Variants in SDK1 observed in about 807,000 individuals in gnomAD.
SDK1 encodes sidekick cell adhesion molecule 1, also known as protein sidekick-1.
A neutral mutation model predicts 245.5 loss-of-function variants in SDK1; 157 were observed. The ratio of observed to expected loss-of-function variants is 0.64; its 90% confidence interval spans 0.56 to 0.73. The LOEUF (loss-of-function observed/expected upper bound fraction) is 0.73. Ranked by LOEUF, SDK1 falls within the 30% of genes least tolerant of loss-of-function variation. The probability of loss-of-function intolerance (pLI) is 0.00; values close to 1 mark genes in which losing one functional copy is unlikely to be tolerated. For missense variants in SDK1, 3,583 were observed against 3,002.3 expected, an observed-to-expected ratio of 1.19 and a Z score of -4.52; for synonymous variants, 1,647 against 1,278.5, an observed-to-expected ratio of 1.29 and a Z score of -6.15.
chr7:3,668,572 G>A (rs1783605164), intron 4 of SDK1, among the ~76,000 whole-genome samples: 1 of 152,102 alleles, frequency 6.6e-6, no homozygotes, highest in Non-Finnish European at 1.5e-5. Flanking sequence ...TCAAGAGTTC[G>A]AGACCAGCCT....
chr7:4,003,193 C>G (rs946281953), intron 14 of SDK1, among the ~76,000 whole-genome samples: 1 of 152,272 alleles, frequency 6.6e-6, no homozygotes, highest in African/African-American at 2.4e-5. Flanking sequence ...TCTTCTCATG[C>G]AAAACACATG....
chr7:4,071,787 C>A (rs1398331071), intron 20 of SDK1, among the ~76,000 whole-genome samples: 4 of 152,208 alleles, frequency 2.6e-5, no homozygotes, highest in African/African-American at 9.6e-5. Flanking sequence ...AACGGGGCTG[C>A]CCGGGTAGGA....
At chr7:4,138,115 T>C (rs1320604498) in intron 28 of SDK1, among the ~76,000 whole-genome samples, 1 of 152,212 alleles carries the variant, frequency 6.6e-6, no homozygotes, top group Non-Finnish European at 1.5e-5. Context: ...TTTCTTCCAG[T>C]GCCTAGGGAA....
intron 1 of SDK1, among the ~76,000 whole-genome samples, chr7:3,397,074 T>A (rs1339444594): frequency 1.3e-5 from 2 of 151,872 alleles, no homozygotes; most frequent in African/African-American, 4.8e-5. Flanking sequence ...TAAAATTCAG[T>A]TCAGGTTAAT....
chr7:3,406,010 G>A (rs1290677900), intron 1 of SDK1, among the ~76,000 whole-genome samples: 1 of 151,688 alleles, frequency 6.6e-6, no homozygotes, highest in Non-Finnish European at 1.5e-5. Flanking sequence ...ACAGGGTTTC[G>A]CCATATTGCT....
At chr7:4,144,338 C>T (rs1043968112) in intron 28 of SDK1, among the ~76,000 whole-genome samples, 2 of 152,102 alleles carry the variant, frequency 1.3e-5, no homozygotes, top group Admixed American at 1.3e-4. Context: ...GGCAGGGCAG[C>T]GGCTGCGACA....
chr7:3,892,434 A>G (rs1469700388), intron 5 of SDK1, among the ~76,000 whole-genome samples: 1 of 152,192 alleles, frequency 6.6e-6, no homozygotes, highest in Non-Finnish European at 1.5e-5. Flanking sequence ...GGGAACCCCC[A>G]GGATCTCATA....
At chr7:4,230,334 A>G (rs1785676833) in intron 40 of SDK1, among the ~76,000 whole-genome samples, 2 of 139,858 alleles carry the variant, frequency 1.4e-5, no homozygotes, top group South Asian at 2.6e-4. Flanking sequence ...GGATGGATGG[A>G]TGAATGAATG....
chr7:3,555,146 A>G (rs553526319), intron 1 of SDK1, among the ~76,000 whole-genome samples: 1 of 152,190 alleles, frequency 6.6e-6, no homozygotes, highest in African/African-American at 2.4e-5. Context: ...CAAAAAGAAC[A>G]TAACTTGAGG....
At chr7:3,518,317 G>A (rs1030083917) in intron 1 of SDK1, among the ~76,000 whole-genome samples, 4 of 151,832 alleles carry the variant, frequency 2.6e-5, no homozygotes, top group Admixed American at 1.3e-4. Flanking sequence ...AAAAACACAG[G>A]CAACAAAAGT....
intron 1 of SDK1, among the ~76,000 whole-genome samples, chr7:3,434,471 A>G (rs1194584313): frequency 6.6e-6 from 1 of 152,344 alleles, no homozygotes; most frequent in African/African-American, 2.4e-5. Flanking sequence ...CTTGGAGAAG[A>G]CGGAGTGTCA....
intron 4 of SDK1, among the ~76,000 whole-genome samples, chr7:3,757,281 T>TA (rs1779960095): frequency 6.6e-6 from 1 of 152,178 alleles, no homozygotes; most frequent in Non-Finnish European, 1.5e-5. Flanking sequence ...TCACTTTACT[T>TA]ACTTCCTTTT....
chr7:3,781,471 G>A (rs1395607423), intron 4 of SDK1, among the ~76,000 whole-genome samples: 1 of 152,090 alleles, frequency 6.6e-6, no homozygotes, highest in East Asian at 1.9e-4. Flanking sequence ...GCCAGAAAAG[G>A]GGACTGTCTT....
intron 1 of SDK1, among the ~76,000 whole-genome samples, chr7:3,341,519 C>T (rs973967457): frequency 6.6e-6 from 1 of 151,994 alleles, no homozygotes; most frequent in African/African-American, 2.4e-5. Flanking sequence ...AAAGGAGGAG[C>T]AAAACAGTCC....
chr7:3,647,820 G>A (rs1440868520), intron 4 of SDK1, among the ~76,000 whole-genome samples: 3 of 152,080 alleles, frequency 2.0e-5, no homozygotes, highest in Admixed American at 6.5e-5. Flanking sequence ...TGGAATGGCT[G>A]GATGAATGAA....
chr7:3,395,367 C>T (rs1002226738), intron 1 of SDK1, among the ~76,000 whole-genome samples: 5 of 151,830 alleles, frequency 3.3e-5, no homozygotes, highest in African/African-American at 9.6e-5. Flanking sequence ...ATTTGGTTCA[C>T]TAATATTTTA....
intron 13 of SDK1, among the ~76,000 whole-genome samples, chr7:3,974,991 G>A (rs1782800055): frequency 6.6e-6 from 1 of 152,146 alleles, no homozygotes; most frequent in African/African-American, 2.4e-5. Flanking sequence ...AGTCCCAGCT[G>A]CCCCTCCGTG....
At chr7:4,055,340 A>T (rs1779128128) in intron 19 of SDK1, among the ~76,000 whole-genome samples, 1 of 152,148 alleles carries the variant, frequency 6.6e-6, no homozygotes, top group African/African-American at 2.4e-5. Flanking sequence ...GTTTTCAAGG[A>T]GTTGATCCTC....
At chr7:3,520,373 T>A (rs1181423490) in intron 1 of SDK1, among the ~76,000 whole-genome samples, 3 of 152,152 alleles carry the variant, frequency 2.0e-5, no homozygotes, top group Non-Finnish European at 4.4e-5. Context: ...ATTGAGTCCT[T>A]GTATGGTTAT....
Sources: allele counts gnomAD v4.1 joint callset (sites outside exome capture counted in the v4.1 genomes callset), GRCh38; gene constraint gnomAD v4.1.1; transcripts MANE v1.5; gene names NCBI Gene and HGNC (gene_info 2026-07-23, HGNC 2026-07-21).